The following ALCAM variants were observed in gnomAD, a reference collection of about 807,000 sequenced individuals.
The protein encoded by ALCAM is CD166 antigen.
In ALCAM, 30 loss-of-function variants were observed where a neutral mutation model predicts 70.9. The observed-to-expected ratio is 0.42, with a 90% CI of 0.32 to 0.57. ALCAM has a LOEUF of 0.57. ALCAM is among the 20% of genes least tolerant of loss of function. ALCAM has a pLI of 0.11. For synonymous variants in ALCAM, 249 were observed against 242.5 expected, an observed-to-expected ratio of 1.03 and a Z score of -0.25; for missense variants, 591 against 695.1, an observed-to-expected ratio of 0.85 and a Z score of 1.68.
At chr3:105,447,980 G>T (rs182863382) in intron 1 of ALCAM, among the ~76,000 whole-genome samples, 3 of 152,178 alleles carry the variant, frequency 2.0e-5, no homozygotes, top group East Asian at 3.9e-4. Context: ...TTTTCATATA[G>T]ATCTCTAGAT....
chr3:105,444,619 A>T (rs925869873), intron 1 of ALCAM, among the ~76,000 whole-genome samples: 10 of 152,232 alleles, frequency 6.6e-5, no homozygotes, highest in Non-Finnish European at 1.2e-4. Context: ...TGTTTCAAAG[A>T]TGAAAAATAT....
intron 1 of ALCAM, among the ~76,000 whole-genome samples, chr3:105,379,651 TA>T (rs1163608020): frequency 6.6e-6 from 1 of 151,902 alleles, no homozygotes; most frequent in African/African-American, 2.4e-5. Flanking sequence ...ATTATGATTT[TA>T]AATACATTAT....
chr3:105,496,830 GTGTGT>G (rs1559811287), intron 1 of ALCAM, among the ~76,000 whole-genome samples: 5 of 149,192 alleles, frequency 3.4e-5, no homozygotes, highest in South Asian at 2.1e-4. Context: ...CAATTGAGGT[GTGTGT>G]GTGTGTGTGT....
chr3:105,369,651 G>A (rs1935175622), intron 1 of ALCAM, among the ~76,000 whole-genome samples: 2 of 152,304 alleles, frequency 1.3e-5, no homozygotes, highest in South Asian at 2.1e-4. Context: ...GCCAAAGGCC[G>A]GCTTCATTTG....
At chr3:105,552,753 G>A (rs576650159) in intron 14 of ALCAM, 168 bp downstream of exon 14, 17 of 1,437,858 alleles carry the variant, frequency 1.2e-5, no homozygotes, top group Middle Eastern at 2.0e-4. Context: ...TGACTACACT[G>A]CCTTTGTCAG....
intron 12 of ALCAM, among the ~76,000 whole-genome samples, chr3:105,550,671 T>C (rs1035894173): frequency 1.3e-5 from 2 of 151,640 alleles, no homozygotes; most frequent in African/African-American, 4.8e-5. Context: ...TCTAATTCTT[T>C]GTGGTATTTA....
At chr3:105,445,163 A>G (rs1937263895) in intron 1 of ALCAM, among the ~76,000 whole-genome samples, 1 of 152,180 alleles carries the variant, frequency 6.6e-6, no homozygotes, top group African/African-American at 2.4e-5. Context: ...ATTCAGATAC[A>G]GTAAATGTTA....
intron 14 of ALCAM, 32 bp downstream of exon 14, chr3:105,552,617 A>T (rs1312326537): frequency 6.2e-7 from 1 of 1,610,140 alleles, no homozygotes; most frequent in Non-Finnish European, 8.5e-7. Flanking sequence ...TTCATCGTTC[A>T]TTGACTTTCA....
intron 1 of ALCAM, among the ~76,000 whole-genome samples, chr3:105,451,729 A>G (rs1248989299): frequency 2.0e-5 from 3 of 152,268 alleles, no homozygotes; most frequent in Non-Finnish European, 4.4e-5. Flanking sequence ...GGTTTGATCT[A>G]TGAAGAGGCA....
rs911124689 is a variant in ALCAM at position 105,442,580 on chromosome 3, T to G, written c.73+75099T>G. Among the ~76,000 whole-genome samples the G allele has an allele frequency of 3.3e-5, 5 of 151,874 alleles. No homozygotes were observed. The East Asian group carries it at 9.7e-4, about 30-fold the overall frequency. On this transcript the variant is annotated intron_variant, in intron 1 of 15. Transcript: ENST00000306107. ...GTGGATCACGAGGTCAGGAGATCGATACCATCCTGGCTAACATGGTGAAAC... is the reference window on the plus strand; with the variant it reads ...GTGGATCACGAGGTCAGGAGATCGAGACCATCCTGGCTAACATGGTGAAAC...
chr3:105,512,687 T>G (rs1229067860), intron 1 of ALCAM, among the ~76,000 whole-genome samples: 3 of 151,894 alleles, frequency 2.0e-5, no homozygotes, highest in African/African-American at 7.2e-5. Flanking sequence ...TGAAGAAAAT[T>G]TAGTTCTTTA....
intron 14 of ALCAM, among the ~76,000 whole-genome samples, chr3:105,568,322 C>T (rs1460775247): frequency 2.0e-5 from 3 of 152,104 alleles, no homozygotes; most frequent in Non-Finnish European, 2.9e-5. Context: ...AACTCCTGAC[C>T]TCAAGTGATC....
chr3:105,547,383 A>G lies in ALCAM; in HGVS notation c.1241-7A>G, dbSNP rs112338020. 2.5e-6 allele frequency: 4 copies of G among 1,599,782 alleles called. No homozygotes were observed. Among genetic ancestry groups the G allele is most frequent in the Admixed American group, 1.7e-5 (1 of 57,244 alleles). ...TTCAACATCTTATTTTAATTGTAAT[A>G]TTTCAGGCAAACCTCAAATAAAAAT... On this transcript the variant is annotated splice_region_variant and splice_polypyrimidine_tract_variant and intron_variant, in intron 10 of 15. Coordinates refer to ENST00000306107, the MANE Select transcript of ALCAM (RefSeq NM_001627.4).
At chr3:105,528,292 C>A (rs763925912) in intron 3 of ALCAM, among the ~76,000 whole-genome samples, 3 of 152,112 alleles carry the variant, frequency 2.0e-5, no homozygotes, top group Non-Finnish European at 4.4e-5. Flanking sequence ...TTTTTAGATT[C>A]TTTGAAGGCT....
chr3:105,382,407 C>T (rs1040319458), intron 1 of ALCAM, among the ~76,000 whole-genome samples: 2 of 151,972 alleles, frequency 1.3e-5, no homozygotes, highest in Non-Finnish European at 2.9e-5. Context: ...CATACATGTG[C>T]ATGTGTCTTT....
At chr3:105,453,024 C>T (rs1937472677) in intron 1 of ALCAM, among the ~76,000 whole-genome samples, 1 of 152,080 alleles carries the variant, frequency 6.6e-6, no homozygotes, top group South Asian at 2.1e-4. Flanking sequence ...CTGTAGGTTG[C>T]CTGTTCACTC....
At chr3:105,515,500 T>C (rs1298257856) in intron 1 of ALCAM, among the ~76,000 whole-genome samples, 1 of 152,036 alleles carries the variant, frequency 6.6e-6, no homozygotes. Flanking sequence ...GAGAAACCAA[T>C]GGCTGAAGGT....
intron 1 of ALCAM, among the ~76,000 whole-genome samples, chr3:105,509,291 G>A (rs934754534): frequency 2.6e-5 from 4 of 151,936 alleles, no homozygotes; most frequent in Non-Finnish European, 4.4e-5. Flanking sequence ...CCTTCACACC[G>A]TTTTTCATAA....
chr3:105,522,040 C>A (rs1454029733), intron 2 of ALCAM, among the ~76,000 whole-genome samples: 2 of 152,122 alleles, frequency 1.3e-5, no homozygotes, highest in South Asian at 4.1e-4. Context: ...CAGGTGATGG[C>A]AAACTTTGAT....
Sources: gnomAD v4.1 joint callset for allele counts (sites outside exome capture counted in the v4.1 genomes callset) on GRCh38, gnomAD v4.1.1 for gene constraint, MANE v1.5 for transcripts, NCBI Gene and HGNC (gene_info 2026-07-23, HGNC 2026-07-21) for gene names.